Variants in CALY observed in about 807,000 individuals in gnomAD.
CALY encodes the protein calcyon neuron specific vesicular protein, also known as neuron-specific vesicular protein calcyon.
CALY carries 15 observed loss-of-function variants against 20.2 expected under a neutral mutation model. That is an observed-to-expected ratio of 0.74 (90% confidence interval 0.50 to 1.14). The LOEUF is 1.14. CALY is among the 50% of genes most tolerant of loss of function. CALY has a pLI of 0.00. For synonymous variants in CALY, 129 were observed against 131.8 expected, an observed-to-expected ratio of 0.98 and a Z score of 0.15; for missense variants, 270 against 304.4, an observed-to-expected ratio of 0.89 and a Z score of 0.84.
chr10:133,327,871 G>T, intron 3 of CALY, 34 bp downstream of exon 3: 2 of 1,394,866 alleles, frequency 1.4e-6, no homozygotes, highest in South Asian at 1.2e-5. Flanking sequence ...CTCCTGTCCT[G>T]AGTCCCCACA....
At chr10:133,328,711 C>T in intron 2 of CALY, 144 bp downstream of exon 2, 1 of 946,096 alleles carries the variant, frequency 1.1e-6, no homozygotes, top group Non-Finnish European at 1.5e-6. Flanking sequence ...TGCCCATGGC[C>T]AGCTGGGGCT....
At chr10:133,326,343 C>T in intron 4 of CALY, 1 of 1,380,314 alleles carries the variant, frequency 7.2e-7, no homozygotes, top group Non-Finnish European at 1.0e-6. Context: ...GGGAGAGGGG[C>T]GCAGACACCA....
chr10:133,326,864 C>G lies in CALY; in HGVS notation c.360+14G>C. 6.3e-7 allele frequency: 1 copy of G among 1,578,598 alleles called. No homozygotes were observed. Among genetic ancestry groups the G allele is most frequent in the Non-Finnish European group, 8.6e-7 (1 of 1,157,984 alleles). On this transcript the variant is annotated intron_variant, in intron 4 of 5. Transcript: ENST00000252939. ...GCGGCTCTACACCCCCCACCAGAGC[C>G]CTGGCCCCCTTACCCGCAGCAGGAA...
intron 1 of CALY, among the ~76,000 whole-genome samples, chr10:133,333,243 G>A (rs1353891112): frequency 2.1e-5 from 3 of 145,788 alleles, no homozygotes; most frequent in Non-Finnish European, 3.0e-5. Flanking sequence ...GGAGCTGAGG[G>A]TGGAATGATT....
At chr10:133,326,458 C>T (rs1351926209) in intron 4 of CALY, 1 of 562,742 alleles carries the variant, frequency 1.8e-6, no homozygotes, top group Non-Finnish European at 3.2e-6. Flanking sequence ...AAATAAAAGG[C>T]TTTCTAAAAA....
chr10:133,333,471 GAT>G (rs1848355211), intron 1 of CALY, among the ~76,000 whole-genome samples: 2 of 143,750 alleles, frequency 1.4e-5, no homozygotes, highest in South Asian at 4.6e-4. Flanking sequence ...AAGGGGTAAG[GAT>G]ATGACGCGGG....
At position 133,329,392 on chromosome 10, in the gene CALY, C is replaced by CTTCTTCTTCTTTTTTTTTTTTTTTTTTTT. The variant is rs549430070; in HGVS notation, c.-20-384_-20-383insAAAAAAAAAAAAAAAAAAAAGAAGAAGAA. Among the ~76,000 whole-genome samples the CTTCTTCTTCTTTTTTTTTTTTTTTTTTTT allele has an allele frequency of 1.0e-3, 141 of 137,364 alleles. 2 individuals are homozygous for CTTCTTCTTCTTTTTTTTTTTTTTTTTTTT. The highest frequency in any genetic ancestry group is 3.8e-3 in the African/African-American group (132 of 34,454). 90.1% of individuals were successfully genotyped at this position (137,364 alleles called of 152,430 possible). A position where few individuals can be genotyped will look rare whatever the true frequency, so the allele number is the denominator to read the frequency against. ...TCTTATTCTCCTTCTTCTTCTTCTT[C>CTTCTTCTTCTTTTTTTTTTTTTTTTTTTT]TTTTTTTTTTTTGAGACAGGATCTT... On this transcript the variant is annotated intron_variant, in intron 1 of 5. Coordinates refer to ENST00000252939, the MANE Select transcript of CALY (RefSeq NM_015722.4).
At chr10:133,328,265 C>G (rs923827807) in intron 2 of CALY, among the ~76,000 whole-genome samples, 1 of 152,220 alleles carries the variant, frequency 6.6e-6, no homozygotes, top group Non-Finnish European at 1.5e-5. Context: ...GACAGAGCCC[C>G]TCACTCTGCC....
intron 1 of CALY, among the ~76,000 whole-genome samples, chr10:133,329,392 C>CTTCTTCTTTTTTTTTTTT (rs549430070): frequency 1.5e-5 from 2 of 137,448 alleles, no homozygotes; most frequent in African/African-American, 5.8e-5. Context: ...TCTTCTTCTT[C>CTTCTTCTTTTTTTTTTTT]TTTTTTTTTT....
intron 1 of CALY, among the ~76,000 whole-genome samples, chr10:133,333,292 TGG>T (rs371029336): frequency 0.29 from 10,531 of 36,800 alleles, 1,006 homozygotes; most frequent in African/African-American, 0.37. Flanking sequence ...ATTGAGGGGG[TGG>T]GGGGGGGGGA....
Position 133,327,994 on chromosome 10 carries a change from C to A in CALY, c.157G>T (p.Glu53Ter). Reference protein sequence around the residue: ...PDQVVIKTQTEYQLSSPDQQN... With the variant: ...PDQVVIKTQT Reference sequence around the variant, plus strand: ...TGGTCTGGGGAGGACAGCTGGTATTCTGTCTGTGTCTTGATGACCACCTGT... The same window carrying A: ...TGGTCTGGGGAGGACAGCTGGTATTATGTCTGTGTCTTGATGACCACCTGT... The change falls in exon 3 of 6, where the codon GAA (glutamate) becomes TAA (stop). Residue 53 changes from glutamate (E) to a stop codon, truncating the protein, a stop_gained. Transcript: ENST00000252939. LOFTEE classifies it high-confidence loss of function. The A allele has an allele frequency of 6.2e-7, 1 of 1,611,074 alleles. No individual in the cohort carries two copies. Among genetic ancestry groups the A allele is most frequent in the Non-Finnish European group, 8.5e-7 (1 of 1,178,522 alleles).
chr10:133,331,195 C>A (rs1271191729), intron 1 of CALY, among the ~76,000 whole-genome samples: 1 of 152,174 alleles, frequency 6.6e-6, no homozygotes, highest in Non-Finnish European at 1.5e-5. Context: ...TAAATCCCCA[C>A]AGCAAACCTC....
intron 4 of CALY, 177 bp from the exon 5 acceptor site, chr10:133,326,297 C>T: frequency 6.5e-7 from 1 of 1,549,204 alleles, no homozygotes; most frequent in Non-Finnish European, 8.7e-7. Flanking sequence ...GGGCATGGAG[C>T]AGGAGGTCGC....
intron 2 of CALY, among the ~76,000 whole-genome samples, chr10:133,328,582 C>T (rs374504424): frequency 3.3e-5 from 5 of 152,336 alleles, no homozygotes; most frequent in Non-Finnish European, 7.4e-5. Context: ...GCTGAGTGCC[C>T]TATGGACAGC....
rs1848199983 is a variant in CALY at position 133,325,993 on chromosome 10, G to T, written c.488C>A (p.Ala163Glu). 1 of 1,562,632 alleles carries T rather than the reference G, an allele frequency of 6.4e-7. No homozygotes were observed. The highest frequency in any genetic ancestry group is 1.2e-5 in the South Asian group (1 of 85,444). The change falls in exon 5 of 6, where the codon GCG becomes GAG. Residue 163 changes from alanine (A) to glutamate (E), a missense_variant. Ala to Glu is a moderately radical substitution (Grantham distance 107). Coordinates refer to ENST00000252939, the MANE Select transcript of CALY (RefSeq NM_015722.4). The stretch of plus-strand genomic sequence containing the variant: ...TGCGCGGTAGCCGTCCCCCCAGGCC[G>T]CCGGCGTCTCCGTGCCGTGCTTGCG... The part of the protein sequence containing the change: ...LSRKHGTETP[A>E]AWGDGYRAAK...
chr10:133,327,396 G>A lies in CALY; in HGVS notation c.247-405C>T, dbSNP rs1300007884. 4 of 481,678 alleles carry A rather than the reference G, an allele frequency of 8.3e-6. No homozygotes were observed. The Admixed American group carries it at 1.5e-4, about 18-fold the overall frequency. The allele number at this position is 481,678 out of a possible 1,614,324, so 29.8% of individuals were successfully genotyped here. The stretch of plus-strand genomic sequence containing the variant: ...ACAGTGGGTGCATGTGTGGTAACAT[G>A]AGCTGCAGACTGGAACGTGAGGCCA... On this transcript the variant is annotated intron_variant, in intron 3 of 5. Transcript: ENST00000252939.
intron 1 of CALY, among the ~76,000 whole-genome samples, chr10:133,335,333 C>T (rs1333721282): frequency 6.6e-6 from 1 of 152,156 alleles, no homozygotes; most frequent in Non-Finnish European, 1.5e-5. Flanking sequence ...AGGGCCACGC[C>T]CCGGAGGGCC....
chr10:133,324,180 A>G lies in CALY; in HGVS notation c.*1415T>C, dbSNP rs984108655. ...CCCGGGCCCCCCTCCCTTGCAGGCCATCAGGGCCAATTCAGTTCTGCGTGT... is the reference window on the plus strand; with the variant it reads ...CCCGGGCCCCCCTCCCTTGCAGGCCGTCAGGGCCAATTCAGTTCTGCGTGT... On this transcript the variant is annotated 3_prime_UTR_variant, in exon 6 of 6. Coordinates refer to ENST00000252939, the MANE Select transcript of CALY (RefSeq NM_015722.4). 5 of 342,622 alleles carry G rather than the reference A, an allele frequency of 1.5e-5. No individual in the cohort carries two copies. In the Admixed American group the frequency reaches 1.5e-4, roughly 10 times the overall value. 21.2% of individuals were successfully genotyped at this position (342,622 alleles called of 1,614,324 possible).
At position 133,325,879 on chromosome 10, in the gene CALY, T is replaced by C. The variant is rs1214820724; in HGVS notation, c.602A>G (p.Lys201Arg). The change falls in exon 5 of 6, where the codon AAG (lysine) becomes AGG (arginine). Residue 201 changes from lysine (K) to arginine (R), a missense_variant. Transcript: ENST00000252939. The stretch of plus-strand genomic sequence containing the variant: ...CCCGGCCGCCTTCCGCGCCGCCTCC[T>C]TCTCCGCCTTGGCCGACGGCTTCCC... Reference protein sequence around the residue: ...PPGKPSAKAEKEAARKAAGSA... With the variant: ...PPGKPSAKAEREAARKAAGSA... 1.6e-6 allele frequency: 2 copies of C among 1,255,764 alleles called. No homozygotes were observed. Among genetic ancestry groups the C allele is most frequent in the Non-Finnish European group, 2.0e-6 (2 of 1,002,256 alleles). 77.8% of individuals were successfully genotyped at this position (1,255,764 alleles called of 1,614,324 possible). A position where few individuals can be genotyped will look rare whatever the true frequency, so the allele number is the denominator to read the frequency against.
Sources: gnomAD v4.1 joint callset for allele counts (sites outside exome capture counted in the v4.1 genomes callset) on GRCh38, gnomAD v4.1.1 for gene constraint, MANE v1.5 for transcripts, NCBI Gene and HGNC (gene_info 2026-07-23, HGNC 2026-07-21) for gene names.